The following ACR variants were observed in gnomAD, a reference collection of about 807,000 sequenced individuals.
The protein encoded by ACR is acrosin light and heavy chain prepropeptide.
ACR carries 17 observed loss-of-function variants against 26.0 expected under a neutral mutation model. The ratio of observed to expected loss-of-function variants is 0.65; its 90% CI spans 0.45 to 0.98. ACR has a LOEUF of 0.98. Ranked by LOEUF, ACR falls within the 50% of genes least tolerant of loss-of-function variation. The pLI is 0.00. For missense variants in ACR, 435 were observed against 519.3 expected, an observed-to-expected ratio of 0.84 and a Z score of 1.58; for synonymous variants, 199 against 207.7, an observed-to-expected ratio of 0.96 and a Z score of 0.36.
In ACR at chr22:50,739,440, G is replaced by T. The variant is rs775250607; in HGVS notation, c.247G>T (p.Val83Leu). The T allele has an allele frequency of 4.3e-6, 7 of 1,614,116 alleles. No individual in the cohort carries two copies. The East Asian group carries it at 1.6e-4, about 36-fold the overall frequency. The change falls in exon 2 of 5, where the codon GTG (valine) becomes TTG (leucine). Residue 83 changes from valine to leucine, a missense_variant. Physicochemically the swap from Val to Leu is conservative, Grantham distance 32. Around this residue, in one of 3 missense-constraint regions of ACR, gnomAD observed 314 missense variants for 372.0 expected, o/e 0.84. Coordinates refer to ENST00000216139, the MANE Select transcript of ACR (RefSeq NM_001097.3). This position sits in a 1 kb window ranked among gnomAD's most constrained non-coding sequence, Gnocchi z 5.5. ...AGGCAGCTTGCTGAATTCACGATGGGTGCTCACTGCTGCTCACTGCTTCGT... is the reference window on the plus strand; with the variant it reads ...AGGCAGCTTGCTGAATTCACGATGGTTGCTCACTGCTGCTCACTGCTTCGT... ...CGGSLLNSRW[V>L]LTAAHCFVGK... is the part of the protein sequence containing the mutation.
intron 3 of ACR, among the ~76,000 whole-genome samples, chr22:50,741,394 C>T (rs2083424135): frequency 6.6e-6 from 1 of 151,926 alleles, no homozygotes; most frequent in Non-Finnish European, 1.5e-5. Flanking sequence ...TCTGTCCAGC[C>T]CCCTAGCCTG....
Position 50,739,506 on chromosome 22 carries a change from C to T in ACR, c.281+32C>T, listed in dbSNP as rs745849346. 6.2e-7 allele frequency: 1 copy of T among 1,611,300 alleles called. No individual in the cohort carries two copies. The highest frequency in any genetic ancestry group is 1.3e-5 in the African/African-American group (1 of 74,806). On this transcript the variant is annotated intron_variant, in intron 2 of 4. Transcript: ENST00000216139. The surrounding 1 kb of genome is among the most constrained non-coding windows in gnomAD (Gnocchi z 5.5). ...GTAGGGATGCACTGAGGGAGGTCTT[C>T]AGAACGGCTCTTCTCAGAGAGGGGC...
chr22:50,738,972 C>G (rs2083411299), intron 1 of ACR, among the ~76,000 whole-genome samples: 1 of 152,198 alleles, frequency 6.6e-6, no homozygotes, highest in African/African-American at 2.4e-5. Flanking sequence ...CACCTCTACC[C>G]TCCTGTTCTG....
intron 3 of ACR, among the ~76,000 whole-genome samples, chr22:50,743,809 CCT>C (rs1452795316): frequency 2.6e-5 from 4 of 152,230 alleles, no homozygotes; most frequent in Admixed American, 2.0e-4. Flanking sequence ...CCCCCATCCA[CCT>C]GTCCACGGGC....
At position 50,739,329 on chromosome 22, in the gene ACR, G is replaced by C; in HGVS notation, c.136G>C (p.Gly46Arg). The change falls in exon 2 of 5, where the codon GGG becomes CGG. Residue 46 changes from glycine (G) to arginine (R), a missense_variant. Transcript: ENST00000216139. The surrounding 1 kb of genome is among the most constrained non-coding windows in gnomAD (Gnocchi z 5.5). ...ACAGGGTGGTGTCCGCATCGTCGGC[G>C]GGAAGGCTGCACAGCATGGGGCCTG... is the stretch of plus-strand genomic sequence containing the variant. ...NPQGGVRIVG[G>R]KAAQHGAWPW... The C allele has an allele frequency of 6.2e-7, 1 of 1,609,538 alleles. No homozygotes were observed. Among genetic ancestry groups the C allele is most frequent in the Non-Finnish European group, 8.5e-7 (1 of 1,177,952 alleles).
chr22:50,744,143 T>C lies in ACR; in HGVS notation c.648T>C (p.Asn216=). Reference sequence around the variant, plus strand: ...TGTGTAACTCGACCCAGTGGTACAATGGGCGCGTTCAGCCAACCAATGTGT... The same window carrying C: ...TGTGTAACTCGACCCAGTGGTACAACGGGCGCGTTCAGCCAACCAATGTGT... The part of the protein sequence containing the change: ...LDLCNSTQWY[N]GRVQPTNVCA... The change falls in exon 4 of 5, where the codon AAT becomes AAC. Residue 216 remains asparagine (N), a synonymous_variant. Coordinates refer to ENST00000216139, the MANE Select transcript of ACR (RefSeq NM_001097.3). The C allele has an allele frequency of 6.2e-7, 1 of 1,613,890 alleles. No individual in the cohort carries two copies. The highest frequency in any genetic ancestry group is 8.5e-7 in the Non-Finnish European group (1 of 1,179,846).
Position 50,739,648 on chromosome 22 carries a change from G to T in ACR, c.282-46G>T. ...AGGCCCTGAGGGTCGCTGTCACCAGGCTTTTGTCCAGCCGGTTGTGACCTG... is the reference window on the plus strand; with the variant it reads ...AGGCCCTGAGGGTCGCTGTCACCAGTCTTTTGTCCAGCCGGTTGTGACCTG... On this transcript the variant is annotated intron_variant, in intron 2 of 4. Transcript: ENST00000216139. This position sits in a 1 kb window ranked among gnomAD's most constrained non-coding sequence, Gnocchi z 5.5. 1 of 1,540,316 alleles carries T rather than the reference G, an allele frequency of 6.5e-7. No individual in the cohort carries two copies. Among genetic ancestry groups the T allele is most frequent in the Non-Finnish European group, 8.7e-7 (1 of 1,144,278 alleles).
chr22:50,743,593 G>C (rs1480568756), intron 3 of ACR: 2 of 166,562 alleles, frequency 1.2e-5, no homozygotes, highest in Admixed American at 1.1e-4. Flanking sequence ...GTGTGTCTCA[G>C]ACTGGAGTCT....
In ACR at chr22:50,739,496, G is replaced by A. The variant is rs769803264; in HGVS notation, c.281+22G>A. On this transcript the variant is annotated intron_variant, in intron 2 of 4. Coordinates refer to ENST00000216139, the MANE Select transcript of ACR (RefSeq NM_001097.3). The surrounding 1 kb of genome is among the most constrained non-coding windows in gnomAD (Gnocchi z 5.5). Reference sequence around the variant, plus strand: ...AAAAGTACGTGTAGGGATGCACTGAGGGAGGTCTTCAGAACGGCTCTTCTC... The same window carrying A: ...AAAAGTACGTGTAGGGATGCACTGAAGGAGGTCTTCAGAACGGCTCTTCTC... The A allele has an allele frequency of 1.6e-5, 26 of 1,613,410 alleles. No individual in the cohort carries two copies. In the Admixed American group the frequency reaches 4.3e-4, roughly 27 times the overall value.
chr22:50,739,978 G>T lies in ACR; in HGVS notation c.565+1G>T. On this transcript the variant is annotated splice_donor_variant, in intron 3 of 4. Transcript: ENST00000216139. LOFTEE classifies it high-confidence loss of function. The surrounding 1 kb of genome is among the most constrained non-coding windows in gnomAD (Gnocchi z 5.5). ...GGCTGGGGATATATAGAAGAGAAAG[G>T]TGAGTATGGGAGCGCCTCCAAGGGG... 6.2e-7 allele frequency: 1 copy of T among 1,613,346 alleles called. No individual in the cohort carries two copies. Among genetic ancestry groups the T allele is most frequent in the South Asian group, 1.1e-5 (1 of 91,066 alleles).
Position 50,739,166 on chromosome 22 carries a change from TC to T in ACR, c.78-101del. 1 of 1,036,180 alleles carries T rather than the reference TC, an allele frequency of 9.7e-7. No homozygotes were observed. Among genetic ancestry groups the T allele is most frequent in the African/African-American group, 1.6e-5 (1 of 63,042 alleles). 64.2% of individuals were successfully genotyped at this position (1,036,180 alleles called of 1,614,324 possible). A position where few individuals can be genotyped will look rare whatever the true frequency, so the allele number is the denominator to read the frequency against. On this transcript the variant is annotated intron_variant, in intron 1 of 4. Transcript: ENST00000216139. This position sits in a 1 kb window ranked among gnomAD's most constrained non-coding sequence, Gnocchi z 5.5. The stretch of plus-strand genomic sequence containing the variant: ...TGCTTTCCCAGAACCCGGAAGCTCT[TC>T]CCCACTTTTCCCAACCCCATGTCCC...
In ACR at chr22:50,739,093, G is replaced by A. The variant is rs1482008533; in HGVS notation, c.78-178G>A. On this transcript the variant is annotated intron_variant, in intron 1 of 4. Coordinates refer to ENST00000216139, the MANE Select transcript of ACR (RefSeq NM_001097.3). This position sits in a 1 kb window ranked among gnomAD's most constrained non-coding sequence, Gnocchi z 5.5. ...CAAGACCTGAGAAGTCGTGGCCCCAGAACCATTTCCTAGAGCCTGCGGCTT... is the reference window on the plus strand; with the variant it reads ...CAAGACCTGAGAAGTCGTGGCCCCAAAACCATTTCCTAGAGCCTGCGGCTT... Among the ~76,000 whole-genome samples, 1 of 152,200 alleles carries A rather than the reference G, an allele frequency of 6.6e-6. No homozygotes were observed. Among genetic ancestry groups the A allele is most frequent in the Non-Finnish European group, 1.5e-5 (1 of 68,040 alleles).
intron 3 of ACR, among the ~76,000 whole-genome samples, chr22:50,743,192 T>C (rs13056271): frequency 0.61 from 87,696 of 143,742 alleles, 26,956 homozygotes; most frequent in Non-Finnish European, 0.64. Context: ...CCCGCCACCA[T>C]GCCTGGCTAA....
Position 50,739,942 on chromosome 22 carries a change from G to T in ACR, c.530G>T (p.Cys177Phe), listed in dbSNP as rs764339107. The change falls in exon 3 of 5, where the codon TGC becomes TTC. Residue 177 changes from cysteine (C) to phenylalanine (F), a missense_variant. Around this residue, in one of 3 missense-constraint regions of ACR, gnomAD observed 314 missense variants for 372.0 expected, o/e 0.84. Transcript: ENST00000216139. The surrounding 1 kb of genome is among the most constrained non-coding windows in gnomAD (Gnocchi z 5.5). ...KAGLPRGSQS[C>F]WVAGWGYIEE... is the part of the protein sequence containing the mutation. ...GGCCTCCCCAGAGGCTCCCAGAGCTGCTGGGTGGCCGGCTGGGGATATATA... is the reference window on the plus strand; with the variant it reads ...GGCCTCCCCAGAGGCTCCCAGAGCTTCTGGGTGGCCGGCTGGGGATATATA... 35 of 1,613,800 alleles carry T rather than the reference G, an allele frequency of 2.2e-5. No individual in the cohort carries two copies. Among genetic ancestry groups the T allele is most frequent in the Non-Finnish European group, 2.9e-5 (34 of 1,180,032 alleles).
intron 1 of ACR, among the ~76,000 whole-genome samples, chr22:50,738,616 C>T (rs1383120641): frequency 6.6e-6 from 1 of 151,678 alleles, no homozygotes; most frequent in East Asian, 1.9e-4. Context: ...TGTCCCAACC[C>T]GTGGTTGCCC....
chr22:50,741,821 A>C (rs1196117888), intron 3 of ACR, among the ~76,000 whole-genome samples: 1 of 150,732 alleles, frequency 6.6e-6, no homozygotes, highest in Non-Finnish European at 1.5e-5. Flanking sequence ...GCAGACTTTT[A>C]AGCATTTGTT....
intron 3 of ACR, among the ~76,000 whole-genome samples, chr22:50,742,521 G>GTAGCTGCC (rs2083429040): frequency 6.9e-6 from 1 of 144,194 alleles, no homozygotes; most frequent in African/African-American, 2.7e-5. Flanking sequence ...TCCAGCCTGG[G>GTAGCTGCC]CGACAGAGCA....
rs1290644723 is a variant in ACR at position 50,738,308 on chromosome 22, TGTGA to T, written c.76_77+2del. ...CGTGGTTGCTAAAGATAACGCCACG[TGTGA>T]GTAAGTGTCGGGGCACCTTGGTGGG... On this transcript the variant is annotated frameshift_variant and splice_region_variant, in exon 1 of 5. Transcript: ENST00000216139. LOFTEE classifies it high-confidence loss of function. The T allele has an allele frequency of 1.9e-6, 3 of 1,613,760 alleles. No homozygotes were observed. Among genetic ancestry groups the T allele is most frequent in the East Asian group, 2.2e-5 (1 of 44,876 alleles).
In ACR at chr22:50,744,664, C is replaced by T. The variant is rs570941870; in HGVS notation, c.723C>T (p.Gly241=). The T allele has an allele frequency of 1.9e-5, 30 of 1,610,538 alleles. No homozygotes were observed. The highest frequency in any genetic ancestry group is 1.7e-4 in the Middle Eastern group (1 of 6,028). Residue 241 remains glycine (G), a synonymous_variant, in exon 5 of 5, where the codon GGC becomes GGT. Transcript: ENST00000216139. ...GTCCTTCTGGACAGGGAGACAGCGG[C>T]GGGCCTCTCATGTGCAAAGACAGCA... The part of the protein sequence containing the change: ...GKIDTCQGDS[G]GPLMCKDSKE...
Sources: gnomAD v4.1 joint callset for allele counts (sites outside exome capture counted in the v4.1 genomes callset) on GRCh38, gnomAD v4.1.1 for gene constraint, gnomAD v4.1.1 regional missense constraint, Gnocchi (gnomAD v3.1) non-coding constraint, MANE v1.5 for transcripts, NCBI Gene and HGNC (gene_info 2026-07-23, HGNC 2026-07-21) for gene names.